ZNF219: variants seen among roughly 807,000 people sequenced by gnomAD.
ZNF219 encodes zinc finger protein 219.
Under a neutral mutation model 54.4 loss-of-function variants are expected in ZNF219, and 17 were observed. That is an observed-to-expected ratio of 0.31 (90% confidence interval 0.21 to 0.47). The LOEUF is 0.47. Among genes scored for constraint, ZNF219 ranks in the 20% least tolerant of loss-of-function variants. The probability of loss-of-function intolerance (pLI) is 1.00; values close to 1 mark genes in which losing one functional copy is unlikely to be tolerated. For missense variants in ZNF219, 1,014 were observed against 1,062.3 expected (o/e 0.95, Z 0.63); for synonymous variants, 518 against 476.4 (o/e 1.09, Z -1.14).
upstream of ZNF219, chr14:21,102,427 A>AC: frequency 2.6e-6 from 4 of 1,551,580 alleles, no homozygotes; most frequent in Non-Finnish European, 3.5e-6. Context: ...ATGATATTCA[A>AC]CACCTTCAAC....
chr14:21,098,644 C>T lies in ZNF219; in HGVS notation c.-416G>A. 1 of 1,001,238 alleles carries T rather than the reference C, an allele frequency of 1.0e-6. No individual in the cohort carries two copies. Among genetic ancestry groups the T allele is most frequent in the Non-Finnish European group, 1.2e-6 (1 of 838,724 alleles). The allele number at this position is 1,001,238 out of a possible 1,614,324, so 62.0% of individuals were successfully genotyped here. A position where few individuals can be genotyped will look rare whatever the true frequency, so the allele number is the denominator to read the frequency against. On this transcript the variant is annotated 5_prime_UTR_variant, in exon 1 of 5. Transcript: ENST00000360947. ...GCGGCCGCCAGGGGCGGGGTGCGGG[C>T]GGTTTGGAGACGGGGGGCGCTGTCG...
At chr14:21,091,594 TGC>T (rs1301419076) in intron 3 of ZNF219, 52 bp from the exon 4 acceptor site, 5 of 1,554,914 alleles carry the variant, frequency 3.2e-6, no homozygotes, top group Non-Finnish European at 4.4e-6. Context: ...CCTGTCCAGG[TGC>T]CGCGCACCCA....
Position 21,092,104 on chromosome 14 carries a change from G to T in ZNF219, c.1193C>A (p.Pro398His). Residue 398 changes from proline (P) to histidine (H), a missense_variant, in exon 3 of 5, where the codon CCC (proline) becomes CAC (histidine). Coordinates refer to ENST00000360947, the MANE Select transcript of ZNF219 (RefSeq NM_016423.3). ...GCCTCCGAAGCTGCGGCCGGGACCGGGCTCAGCACCCTCGCCGTTGGGCCG... is the reference window on the plus strand; with the variant it reads ...GCCTCCGAAGCTGCGGCCGGGACCGTGCTCAGCACCCTCGCCGTTGGGCCG... ...EGRPNGEGAE[P>H]GPGRSFGGFR... 6.5e-7 allele frequency: 1 copy of T among 1,530,612 alleles called. No individual in the cohort carries two copies. Among genetic ancestry groups the T allele is most frequent in the Non-Finnish European group, 8.8e-7 (1 of 1,139,890 alleles). 94.8% of individuals were successfully genotyped at this position (1,530,612 alleles called of 1,614,324 possible).
chr14:21,094,738 C>T (rs186399939), intron 1 of ZNF219, among the ~76,000 whole-genome samples: 1 of 9,340 alleles, frequency 1.1e-4, no homozygotes, highest in Non-Finnish European at 2.2e-4. Context: ...GGGGGGGGGG[C>T]GGGTGCTGAT....
chr14:21,100,432 G>A (rs1889560919), upstream of ZNF219, among the ~76,000 whole-genome samples: 1 of 152,076 alleles, frequency 6.6e-6, no homozygotes, highest in African/African-American at 2.4e-5. Context: ...GCAGAGCTAA[G>A]ATTCCAGCTC....
upstream of ZNF219, chr14:21,101,841 C>G: frequency 6.5e-7 from 1 of 1,537,290 alleles, no homozygotes; most frequent in Non-Finnish European, 8.8e-7. Flanking sequence ...AGTTCCTCCC[C>G]AATTACCCTA....
upstream of ZNF219, chr14:21,103,449 G>T: frequency 2.1e-6 from 2 of 940,376 alleles, no homozygotes; most frequent in African/African-American, 1.7e-5. Context: ...ACCCTGAAAA[G>T]CTGCTTTCTC....
At chr14:21,093,366 CAGA>C (rs1206036014) in intron 2 of ZNF219, 76 bp from the exon 3 acceptor site, 133 of 1,506,534 alleles carry the variant, frequency 8.8e-5, no homozygotes, top group Non-Finnish European at 1.1e-4. Flanking sequence ...CCTCGAGGGC[CAGA>C]AGGACAACAC....
chr14:21,101,888 G>C (rs962559060), upstream of ZNF219: 1 of 1,551,556 alleles, frequency 6.4e-7, no homozygotes, highest in African/African-American at 1.4e-5. Context: ...GGCTGGCAGT[G>C]GTTGTGGTGC....
At chr14:21,098,925 GGGA>G, upstream of ZNF219, 7 of 1,135,328 alleles carry the variant, frequency 6.2e-6, no homozygotes, top group South Asian at 1.4e-5. Context: ...TCTCTTTTGG[GGGA>G]GGAGGAGGGG....
Position 21,091,082 on chromosome 14 carries a change from G to A in ZNF219, c.1623C>T (p.Leu541=), listed in dbSNP as rs45524331. ...GGTGGTGGCGCTGTAGGTGATACTT[G>A]AGCGAGCCGGACTGGGTGCCCGCGT... ...CDYAGTQSGS[L]KYHLQRHHRE... Residue 541 remains leucine (L), a synonymous_variant, in exon 5 of 5, where the codon CTC becomes CTT. Coordinates refer to ENST00000360947, the MANE Select transcript of ZNF219 (RefSeq NM_016423.3). 3.2e-6 allele frequency: 5 copies of A among 1,571,180 alleles called. No homozygotes were observed. In the African/African-American group the frequency reaches 4.0e-5, roughly 13 times the overall value.
At chr14:21,091,783 A>G in intron 3 of ZNF219, 82 bp downstream of exon 3, 1 of 1,474,352 alleles carries the variant, frequency 6.8e-7, no homozygotes, top group East Asian at 2.4e-5. Context: ...AAGTTCTTTT[A>G]ACAAGGAAGC....
intron 3 of ZNF219, 44 bp from the exon 4 acceptor site, chr14:21,091,586 T>A: frequency 1.3e-6 from 2 of 1,568,234 alleles, no homozygotes; most frequent in Non-Finnish European, 8.7e-7. Context: ...GCCCACACCC[T>A]GTCCAGGTGC....
rs763617351 is a variant in ZNF219 at position 21,091,085 on chromosome 14, C to G, written c.1620G>C (p.Ser540=). The G allele has an allele frequency of 3.2e-6, 5 of 1,572,172 alleles. No individual in the cohort carries two copies. The highest frequency in any genetic ancestry group is 4.7e-5 in the East Asian group (2 of 42,920). ...GGTGGCGCTGTAGGTGATACTTGAG[C>G]GAGCCGGACTGGGTGCCCGCGTAGT... ...HCDYAGTQSG[S]LKYHLQRHHR... is the part of the protein sequence containing the mutation. Residue 540 remains serine, a synonymous_variant, in exon 5 of 5, where the codon TCG becomes TCC. Transcript: ENST00000360947.
rs890203818 is a variant in ZNF219, at chr14:21,090,416, C to T, written c.*120G>A. ...CCCGCCGCGCCTTCCACCTCTGGTC[C>T]GCCTGGGGCTGGGATATGGGTCCCA... On this transcript the variant is annotated 3_prime_UTR_variant, in exon 5 of 5. Transcript: ENST00000360947. The surrounding 1 kb of genome is among the most constrained non-coding windows in gnomAD (Gnocchi z 4.4). 6.6e-6 allele frequency: 9 copies of T among 1,366,280 alleles called. No homozygotes were observed. The highest frequency in any genetic ancestry group is 2.1e-4 in the Middle Eastern group (1 of 4,860). The allele number at this position is 1,366,280 out of a possible 1,614,324, so 84.6% of individuals were successfully genotyped here.
intron 1 of ZNF219, among the ~76,000 whole-genome samples, chr14:21,095,750 G>C (rs899620216): frequency 1.3e-5 from 2 of 151,142 alleles, no homozygotes; most frequent in African/African-American, 4.9e-5. Context: ...TTTTTTTTTC[G>C]TTCCTATCTG....
upstream of ZNF219, chr14:21,102,382 G>A (rs1889695555): frequency 6.4e-7 from 1 of 1,551,262 alleles, no homozygotes; most frequent in Non-Finnish European, 8.7e-7. Flanking sequence ...AGGCTGGGCA[G>A]GGCTGAGCTG....
At chr14:21,094,727 G>GGGGC (rs1555341870) in intron 1 of ZNF219, among the ~76,000 whole-genome samples, 1 of 16,434 alleles carries the variant, frequency 6.1e-5, no homozygotes, top group Admixed American at 8.6e-4. Flanking sequence ...GATAGGGGTT[G>GGGGC]GGGGGGGGGG....
upstream of ZNF219, chr14:21,102,226 T>TGTCA: frequency 7.0e-7 from 1 of 1,426,016 alleles, no homozygotes; most frequent in Non-Finnish European, 9.5e-7. Context: ...TTCTCTCAGC[T>TGTCA]GTCACCACTG....
Sources: gnomAD v4.1 joint callset for allele counts (sites outside exome capture counted in the v4.1 genomes callset) on GRCh38, gnomAD v4.1.1 for gene constraint, Gnocchi (gnomAD v3.1) non-coding constraint, MANE v1.5 for transcripts, NCBI Gene and HGNC (gene_info 2026-07-23, HGNC 2026-07-21) for gene names.